KCNN2: variants seen among roughly 807,000 people sequenced by gnomAD.
KCNN2 encodes the protein potassium calcium-activated channel subfamily N member 2.
Under a neutral mutation model 55.5 loss-of-function variants are expected in KCNN2, and 24 were observed. The observed-to-expected ratio is 0.43, with a 90% CI of 0.31 to 0.61. The LOEUF is 0.61. KCNN2 is among the 20% of genes least tolerant of loss of function. The probability of loss-of-function intolerance (pLI) is 0.08; values close to 1 mark genes in which losing one functional copy is unlikely to be tolerated. For synonymous variants in KCNN2, 431 were observed against 336.1 expected (o/e 1.28, Z -3.09); for missense variants, 754 against 853.6 (o/e 0.88, Z 1.45).
At chr5:114,232,824 C>T (rs1466776055) in intron 2 of KCNN2, among the ~76,000 whole-genome samples, 7 of 149,722 alleles carry the variant, frequency 4.7e-5, no homozygotes, top group African/African-American at 1.8e-4. Context: ...TAAAGAGGTC[C>T]GTGATTGATT....
intron 2 of KCNN2, among the ~76,000 whole-genome samples, chr5:114,272,962 G>C (rs1196657214): frequency 6.6e-6 from 1 of 151,990 alleles, no homozygotes; most frequent in East Asian, 1.9e-4. Flanking sequence ...CGTGCCATGA[G>C]TGTTTGCTGC....
chr5:114,270,039 T>G (rs1268306869), intron 2 of KCNN2, among the ~76,000 whole-genome samples: 1 of 152,210 alleles, frequency 6.6e-6, no homozygotes. Context: ...TGGCACTTCC[T>G]TGGTCTGATA....
intron 1 of KCNN2, among the ~76,000 whole-genome samples, chr5:114,123,717 C>G (rs1047393187): frequency 6.6e-6 from 1 of 152,136 alleles, no homozygotes; most frequent in Non-Finnish European, 1.5e-5. Context: ...TTGTCTTCAG[C>G]TTTTTTCATA....
chr5:114,214,174 G>T (rs1383855411), intron 1 of KCNN2, among the ~76,000 whole-genome samples: 1 of 151,808 alleles, frequency 6.6e-6, no homozygotes, highest in Non-Finnish European at 1.5e-5. Flanking sequence ...AGCTTCATAT[G>T]CCATTAGTAA....
intron 1 of KCNN2, among the ~76,000 whole-genome samples, chr5:114,220,494 C>T (rs1483630706): frequency 6.6e-6 from 1 of 151,616 alleles, no homozygotes; most frequent in Non-Finnish European, 1.5e-5. Context: ...TTTTCAAAAA[C>T]TATTTGTAAA....
intron 1 of KCNN2, among the ~76,000 whole-genome samples, chr5:114,087,506 T>C (rs1216493061): frequency 1.3e-5 from 2 of 152,186 alleles, no homozygotes; most frequent in Non-Finnish European, 2.9e-5. Context: ...GCTAGCCAGC[T>C]ATATCGGCAC....
chr5:114,353,629 G>A (rs868080964), intron 2 of KCNN2, among the ~76,000 whole-genome samples: 7 of 152,022 alleles, frequency 4.6e-5, no homozygotes, highest in South Asian at 2.1e-4. Flanking sequence ...TTCTGGAAAG[G>A]CAAGTCTGTT....
At chr5:114,454,663 G>C (rs142948754) in intron 3 of KCNN2, among the ~76,000 whole-genome samples, 55 of 152,272 alleles carry the variant, frequency 3.6e-4, no homozygotes, top group African/African-American at 1.3e-3. Flanking sequence ...TTCTGCCCTT[G>C]GCTGGGCCCT....
chr5:114,277,126 G>T (rs1047827480), intron 2 of KCNN2, among the ~76,000 whole-genome samples: 1 of 152,108 alleles, frequency 6.6e-6, no homozygotes, highest in African/African-American at 2.4e-5. Context: ...GAAATTCTGG[G>T]TTGAAAATTC....
chr5:114,206,059 G>T (rs1753762476), intron 1 of KCNN2, among the ~76,000 whole-genome samples: 1 of 152,144 alleles, frequency 6.6e-6, no homozygotes, highest in Non-Finnish European at 1.5e-5. Context: ...CTAAATGCTA[G>T]TTAGCAGGAT....
Position 114,194,703 on chromosome 5 carries a change from A to T in KCNN2, c.-270-26777A>T, listed in dbSNP as rs1277114346. ...TGCAGCATAAACATTTTTAATTTTG[A>T]TGTTTTTTTCTTGTCACTTGTGCTT... On this transcript the variant is annotated intron_variant, in intron 1 of 10. Coordinates refer to the KCNN2 transcript ENST00000512097. 3.3e-5 allele frequency among the ~76,000 whole-genome samples: 5 copies of T among 151,798 alleles called. No homozygotes were observed. The East Asian group carries it at 9.7e-4, about 29-fold the overall frequency.
At chr5:114,374,334 G>T (rs1171886211) in intron 2 of KCNN2, among the ~76,000 whole-genome samples, 1 of 152,160 alleles carries the variant, frequency 6.6e-6, no homozygotes, top group Admixed American at 6.6e-5. Context: ...AGGATAAGAG[G>T]TAGTAAACAG....
intron 2 of KCNN2, among the ~76,000 whole-genome samples, chr5:114,239,368 G>A (rs1414838865): frequency 1.3e-5 from 2 of 151,918 alleles, no homozygotes; most frequent in East Asian, 3.9e-4. Context: ...GGACAGAGAG[G>A]AGATGCTTAT....
chr5:114,302,114 T>C (rs2150022735), intron 2 of KCNN2, among the ~76,000 whole-genome samples: 1 of 152,308 alleles, frequency 6.6e-6, no homozygotes, highest in African/African-American at 2.4e-5. Context: ...AGATAGAGGG[T>C]AGGCTGCTGA....
At chr5:114,153,728 C>T (rs1248359391) in intron 1 of KCNN2, among the ~76,000 whole-genome samples, 1 of 152,086 alleles carries the variant, frequency 6.6e-6, no homozygotes, top group Non-Finnish European at 1.5e-5. Flanking sequence ...ATACAAATAT[C>T]CCTGAAAAGA....
At chr5:114,214,634 C>A (rs964715745) in intron 1 of KCNN2, among the ~76,000 whole-genome samples, 23 of 152,056 alleles carry the variant, frequency 1.5e-4, no homozygotes, top group African/African-American at 5.3e-4. Flanking sequence ...GAGGTTTTTT[C>A]CTGTGTTCAT....
intron 1 of KCNN2, among the ~76,000 whole-genome samples, chr5:114,147,194 T>C (rs550424295): frequency 6.6e-6 from 1 of 152,294 alleles, no homozygotes; most frequent in African/African-American, 2.4e-5. Flanking sequence ...CTAGTGGTGA[T>C]GAACGAGTAA....
intron 3 of KCNN2, among the ~76,000 whole-genome samples, chr5:114,423,658 G>A (rs555071052): frequency 6.6e-6 from 1 of 152,216 alleles, no homozygotes; most frequent in Non-Finnish European, 1.5e-5. Context: ...TAAAAAAATG[G>A]CATAGTGTTT....
intron 1 of KCNN2, among the ~76,000 whole-genome samples, chr5:114,157,704 G>A (rs965795521): frequency 2.6e-5 from 4 of 152,156 alleles, no homozygotes; most frequent in African/African-American, 9.7e-5. Context: ...CATTCTGACT[G>A]GTGTGAGATG....
Sources: allele counts gnomAD v4.1 joint callset (sites outside exome capture counted in the v4.1 genomes callset), GRCh38; gene constraint gnomAD v4.1.1; transcripts MANE v1.5; gene names NCBI Gene and HGNC (gene_info 2026-07-23, HGNC 2026-07-21).